Variants in FOXO1 observed in about 807,000 individuals in gnomAD.
The protein encoded by FOXO1 is forkhead box O1, also known as forkhead box protein O1.
In FOXO1, 6 loss-of-function variants were observed where a neutral mutation model predicts 44.1. That is an observed-to-expected ratio of 0.14 (90% CI 0.07 to 0.27). FOXO1 has a LOEUF of 0.27. Among genes scored for constraint, FOXO1 ranks in the 10% least tolerant of loss-of-function variants. The pLI is 1.00. For missense variants in FOXO1, 737 were observed against 888.8 expected (o/e 0.83, Z 2.17); for synonymous variants, 380 against 362.7 (o/e 1.05, Z -0.54).
intron 1 of FOXO1, among the ~76,000 whole-genome samples, chr13:40,659,648 T>C (rs977596039): frequency 2.6e-5 from 4 of 152,144 alleles, no homozygotes; most frequent in African/African-American, 9.7e-5. Flanking sequence ...TTTTCCTTTT[T>C]AGTTTTTATC....
intron 1 of FOXO1, among the ~76,000 whole-genome samples, chr13:40,589,897 AG>A (rs1593390650): frequency 6.6e-6 from 1 of 152,362 alleles, no homozygotes; most frequent in East Asian, 1.9e-4. Context: ...GACCAGAAGC[AG>A]CAGATGTTTA....
At chr13:40,615,503 G>A (rs1876389699) in intron 1 of FOXO1, among the ~76,000 whole-genome samples, 1 of 151,732 alleles carries the variant, frequency 6.6e-6, no homozygotes. Context: ...CTGCACTCTG[G>A]GTGACAGAGT....
At chr13:40,591,020 A>C (rs1178384693) in intron 1 of FOXO1, among the ~76,000 whole-genome samples, 2 of 152,310 alleles carry the variant, frequency 1.3e-5, no homozygotes, top group East Asian at 3.9e-4. Flanking sequence ...GGCCTCTCGG[A>C]GGATGGGGCC....
intron 1 of FOXO1, among the ~76,000 whole-genome samples, chr13:40,591,322 G>A (rs78612943): frequency 1.6e-4 from 24 of 152,320 alleles, no homozygotes; most frequent in African/African-American, 4.8e-4. Context: ...TTCTGGACAC[G>A]GCACCATGAG....
rs1040838594 is a variant in FOXO1, at chr13:40,558,931, T to TG, written c.*117_*118insC. The TG allele has an allele frequency of 1.3e-5, 5 of 398,396 alleles. No homozygotes were observed. Among genetic ancestry groups the TG allele is most frequent in the African/African-American group, 8.3e-5 (4 of 48,416 alleles). The allele number at this position is 398,396 out of a possible 1,614,324, so 24.7% of individuals were successfully genotyped here. A position where few individuals can be genotyped will look rare whatever the true frequency, so the allele number is the denominator to read the frequency against. On this transcript the variant is annotated 3_prime_UTR_variant, in exon 3 of 3. Transcript: ENST00000379561. ...AAAAGGAGGGTTTTTTTTTTTGTTT[T>TG]TTTTTTTAACCAAGAAAACTAAAAG...
chr13:40,582,043 G>A (rs1202441278), intron 1 of FOXO1, among the ~76,000 whole-genome samples: 16 of 152,114 alleles, frequency 1.1e-4, no homozygotes, highest in Admixed American at 6.5e-5. Context: ...TAATTATATT[G>A]GTCTCTATGC....
intron 1 of FOXO1, among the ~76,000 whole-genome samples, chr13:40,662,170 CAAAAAAAAA>C (rs57350461): frequency 1.7e-3 from 96 of 56,734 alleles, no homozygotes; most frequent in African/African-American, 5.6e-3. Flanking sequence ...GACTCTGACT[CAAAAAAAAA>C]AAAAAAAAAA....
intron 1 of FOXO1, among the ~76,000 whole-genome samples, chr13:40,567,706 A>G (rs1172321251): frequency 6.6e-6 from 1 of 152,162 alleles, no homozygotes; most frequent in African/African-American, 2.4e-5. Context: ...GTGGTGGCTC[A>G]CACCTGTAAT....
chr13:40,615,161 C>T (rs1382262374), intron 1 of FOXO1, among the ~76,000 whole-genome samples: 1 of 152,180 alleles, frequency 6.6e-6, no homozygotes, highest in Non-Finnish European at 1.5e-5. Context: ...GGATGCTTGT[C>T]CTTGTGGAGC....
chr13:40,604,871 T>C (rs1028804876), intron 1 of FOXO1, among the ~76,000 whole-genome samples: 2 of 152,168 alleles, frequency 1.3e-5, no homozygotes, highest in African/African-American at 2.4e-5. Context: ...AAAATTCAAT[T>C]GGTTCCTATT....
At chr13:40,634,377 T>C (rs1877071646) in intron 1 of FOXO1, among the ~76,000 whole-genome samples, 1 of 152,172 alleles carries the variant, frequency 6.6e-6, no homozygotes, top group African/African-American at 2.4e-5. Flanking sequence ...CACTTAGGCA[T>C]TAACAAATGA....
At chr13:40,619,634 CAAG>C in intron 1 of FOXO1, 1 of 1,545,116 alleles carries the variant, frequency 6.5e-7, no homozygotes. Context: ...GCTAGGCGAA[CAAG>C]AAGCCAAACC....
chr13:40,562,252 C>A (rs1453141161), intron 1 of FOXO1, among the ~76,000 whole-genome samples: 1 of 152,188 alleles, frequency 6.6e-6, no homozygotes, highest in East Asian at 1.9e-4. Context: ...AACAGACAAC[C>A]TGGGATGGGA....
intron 1 of FOXO1, among the ~76,000 whole-genome samples, chr13:40,609,453 G>C (rs1038855468): frequency 3.9e-5 from 6 of 152,042 alleles, no homozygotes; most frequent in Admixed American, 2.0e-4. Flanking sequence ...GTAAATGTAA[G>C]TCTGTTTACT....
chr13:40,618,418 C>T (rs1237098934), intron 1 of FOXO1, among the ~76,000 whole-genome samples: 1 of 152,228 alleles, frequency 6.6e-6, no homozygotes, highest in East Asian at 1.9e-4. Flanking sequence ...CCAATTCATA[C>T]TAAAATACCC....
At chr13:40,577,191 A>G (rs1874787305) in intron 1 of FOXO1, among the ~76,000 whole-genome samples, 1 of 118,438 alleles carries the variant, frequency 8.4e-6, no homozygotes, top group South Asian at 3.0e-4. Flanking sequence ...GAAAGGCATG[A>G]TTACCCCCCG....
intron 1 of FOXO1, among the ~76,000 whole-genome samples, chr13:40,654,092 G>C (rs907087440): frequency 2.6e-5 from 4 of 151,766 alleles, no homozygotes; most frequent in Non-Finnish European, 4.4e-5. Context: ...AGACAGGTAG[G>C]GGTTCCAGGG....
intron 1 of FOXO1, 86 bp downstream of exon 1, chr13:40,665,497 C>T (rs1377637563): frequency 2.0e-5 from 23 of 1,173,090 alleles, no homozygotes; most frequent in East Asian, 6.3e-5. Flanking sequence ...CTGCTCCGCA[C>T]CTTCAGGCCG....
intron 1 of FOXO1, among the ~76,000 whole-genome samples, chr13:40,600,901 A>G (rs574978693): frequency 1.3e-5 from 2 of 152,318 alleles, no homozygotes; most frequent in Admixed American, 1.3e-4. Flanking sequence ...GATGATTACA[A>G]CCAATCAACA....
Sources: allele counts gnomAD v4.1 joint callset (sites outside exome capture counted in the v4.1 genomes callset), GRCh38; gene constraint gnomAD v4.1.1; transcripts MANE v1.5; gene names NCBI Gene and HGNC (gene_info 2026-07-23, HGNC 2026-07-21).